The following STRA6 variants were observed in gnomAD, a reference collection of about 807,000 sequenced individuals.
The protein encoded by STRA6 is receptor for retinol uptake STRA6.
A neutral mutation model predicts 83.6 loss-of-function variants in STRA6; 48 were observed. That is an observed-to-expected ratio of 0.57 (90% CI 0.46 to 0.73). The LOEUF is 0.73. Among genes scored for constraint, STRA6 ranks in the 30% least tolerant of loss-of-function variants. STRA6 has a pLI of 0.00. For missense variants in STRA6, 760 were observed against 838.8 expected, an observed-to-expected ratio of 0.91 and a Z score of 1.16; for synonymous variants, 353 against 362.3, an observed-to-expected ratio of 0.97 and a Z score of 0.29.
In STRA6 at chr15:74,181,330, C is replaced by G. The variant is rs753156796; in HGVS notation, c.1649G>C (p.Ser550Thr). Residue 550 changes from serine (S) to threonine (T), a missense_variant, in exon 17 of 19, where the codon AGC (serine) becomes ACC (threonine). Physicochemically the swap from Ser to Thr is moderately conservative, Grantham distance 58. Transcript: ENST00000395105. ...NAIHLGQMDLSLLPPRAATLD... is the reference protein window; with the variant it reads ...NAIHLGQMDLTLLPPRAATLD... Reference sequence around the variant, plus strand: ...AGTGGCGGCTCTCGGTGGCAGCAGGCTGAGGTCCATCTGGCCAAGGTGGAT... The same window carrying G: ...AGTGGCGGCTCTCGGTGGCAGCAGGGTGAGGTCCATCTGGCCAAGGTGGAT... 1 of 1,610,402 alleles carries G rather than the reference C, an allele frequency of 6.2e-7. No homozygotes were observed. The highest frequency in any genetic ancestry group is 8.5e-7 in the Non-Finnish European group (1 of 1,178,952).
intron 1 of STRA6, chr15:74,208,022 A>G: frequency 1.5e-6 from 2 of 1,364,382 alleles, no homozygotes; most frequent in Non-Finnish European, 1.9e-6. Flanking sequence ...TGCAATTCTC[A>G]TGCCCCCCTC....
chr15:74,197,899 C>T (rs2073895639), intron 2 of STRA6, 81 bp from the exon 3 acceptor site: 2 of 1,442,332 alleles, frequency 1.4e-6, no homozygotes, highest in Non-Finnish European at 1.9e-6. Context: ...CAAGACTGTT[C>T]ACACTGAGGC....
rs1239065007 is a variant in STRA6, at chr15:74,197,773, G to A, written c.159C>T (p.His53=). 8 of 1,613,658 alleles carry A rather than the reference G, an allele frequency of 5.0e-6. No homozygotes were observed. Among genetic ancestry groups the A allele is most frequent in the Admixed American group, 3.3e-5 (2 of 60,030 alleles). ...TCACTGACAGCGAGGCCAGGCAGGC[G>A]TGGTACAGGCCGGGTGGTATGCTGG... is the stretch of plus-strand genomic sequence containing the variant. ...CHTSIPPGLY[H]ACLASLSILV... Residue 53 remains histidine (H), a synonymous_variant, in exon 3 of 19, where the codon CAC becomes CAT. Coordinates refer to ENST00000395105, the MANE Select transcript of STRA6 (RefSeq NM_022369.4).
rs548933806 is a variant in STRA6 at position 74,185,535 on chromosome 15, G to A, written c.1091-480C>T. 9.2e-5 allele frequency among the ~76,000 whole-genome samples: 14 copies of A among 152,382 alleles called. No homozygotes were observed. In the East Asian group the frequency reaches 1.5e-3, roughly 17 times the overall value. ...ACTAATGGTCTTCGTTCAGGGCATAGAGGGTGTGAGTCCACATCGGTGTGG... is the reference window on the plus strand; with the variant it reads ...ACTAATGGTCTTCGTTCAGGGCATAAAGGGTGTGAGTCCACATCGGTGTGG... On this transcript the variant is annotated intron_variant, in intron 12 of 18. Transcript: ENST00000395105.
chr15:74,200,004 G>T (rs746475184), intron 2 of STRA6, among the ~76,000 whole-genome samples: 1 of 152,196 alleles, frequency 6.6e-6, no homozygotes, highest in African/African-American at 2.4e-5. Context: ...ATCAACCAAG[G>T]TCAAGAGTTT....
chr15:74,207,655 A>G, upstream of STRA6: 1 of 1,513,188 alleles, frequency 6.6e-7, no homozygotes, highest in African/African-American at 1.4e-5. Context: ...AGAACACGCA[A>G]GAGAGGCGTT....
chr15:74,182,468 G>T lies in STRA6; in HGVS notation c.1301-8C>A. On this transcript the variant is annotated splice_polypyrimidine_tract_variant and splice_region_variant and intron_variant, in intron 14 of 18. Coordinates refer to ENST00000395105, the MANE Select transcript of STRA6 (RefSeq NM_022369.4). ...TCTGCTGCACCAGGAGCCCTGCCAG[G>T]GGCGGGAGTGGCAGGGGGACAGAAA... The T allele has an allele frequency of 1.2e-6, 2 of 1,602,646 alleles. No homozygotes were observed. Among genetic ancestry groups the T allele is most frequent in the Middle Eastern group, 1.8e-4 (1 of 5,596 alleles).
upstream of STRA6, chr15:74,207,583 C>A: frequency 1.9e-6 from 2 of 1,036,810 alleles, no homozygotes; most frequent in Non-Finnish European, 2.8e-6. Context: ...AGTCCAGCAG[C>A]AAACCCAATA....
At chr15:74,182,022 G>GGCAA in intron 16 of STRA6, 139 bp downstream of exon 16, 1 of 798,974 alleles carries the variant, frequency 1.3e-6, no homozygotes, top group South Asian at 1.5e-5. Context: ...CTATGGGTAA[G>GGCAA]GCAAGCTCTT....
At chr15:74,202,643 C>G (rs1001351064) in intron 1 of STRA6, 70 bp downstream of exon 1, 16 of 1,420,912 alleles carry the variant, frequency 1.1e-5, no homozygotes, top group Admixed American at 2.9e-5. Flanking sequence ...CTTGTCCAGT[C>G]TGAGCTGCCT....
At chr15:74,182,109 C>T in intron 16 of STRA6, 52 bp downstream of exon 16, 2 of 1,490,772 alleles carry the variant, frequency 1.3e-6, no homozygotes, top group Non-Finnish European at 1.9e-6. Flanking sequence ...GAGAGAGACA[C>T]CGAAGAAGAG....
intron 7 of STRA6, chr15:74,195,041 C>T: frequency 6.9e-7 from 1 of 1,441,258 alleles, no homozygotes; most frequent in South Asian, 1.5e-5. Context: ...CTTTCTCTTC[C>T]CCCTACTCTG....
chr15:74,207,175 T>C (rs2142110296), upstream of STRA6, among the ~76,000 whole-genome samples: 1 of 152,286 alleles, frequency 6.6e-6, no homozygotes, highest in African/African-American at 2.4e-5. Context: ...CGGGAGCCTG[T>C]GATTATCAAA....
At chr15:74,184,733 C>T (rs550561659) in intron 13 of STRA6, among the ~76,000 whole-genome samples, 8 of 152,362 alleles carry the variant, frequency 5.3e-5, no homozygotes, top group African/African-American at 1.9e-4. Flanking sequence ...CCACTAGCTG[C>T]CCTGAGTTGG....
chr15:74,192,195 C>G (rs1005717555), intron 8 of STRA6, among the ~76,000 whole-genome samples: 1 of 152,156 alleles, frequency 6.6e-6, no homozygotes, highest in Non-Finnish European at 1.5e-5. Context: ...GTACACCTCT[C>G]AAGCCTGGGA....
At chr15:74,197,454 G>C (rs1401005072) in intron 3 of STRA6, 31 bp from the exon 4 acceptor site, 1 of 1,526,678 alleles carries the variant, frequency 6.6e-7, no homozygotes, top group Non-Finnish European at 8.9e-7. Flanking sequence ...AGGGCTTGGG[G>C]TGCCCAGGCC....
intron 4 of STRA6, among the ~76,000 whole-genome samples, chr15:74,196,779 T>C (rs1383006220): frequency 6.6e-6 from 1 of 152,190 alleles, no homozygotes; most frequent in African/African-American, 2.4e-5. Flanking sequence ...GATGTGAAGC[T>C]GTCTACACCA....
At chr15:74,211,949 C>T (rs921469515), upstream of STRA6, among the ~76,000 whole-genome samples, 1 of 152,156 alleles carries the variant, frequency 6.6e-6, no homozygotes, top group African/African-American at 2.4e-5. Context: ...CTCTCCTGCT[C>T]TTTGTTTTGC....
At chr15:74,209,433 C>G, upstream of STRA6, 1 of 1,535,622 alleles carries the variant, frequency 6.5e-7, no homozygotes, top group Non-Finnish European at 8.7e-7. Flanking sequence ...ACCAGCTCGG[C>G]TCTTAATAAC....
Sources: allele counts gnomAD v4.1 joint callset (sites outside exome capture counted in the v4.1 genomes callset), GRCh38; gene constraint gnomAD v4.1.1; transcripts MANE v1.5; gene names NCBI Gene and HGNC (gene_info 2026-07-23, HGNC 2026-07-21).